The following NELL1 variants were observed in gnomAD, a reference collection of about 807,000 sequenced individuals.
NELL1 encodes protein kinase C-binding protein NELL1.
In NELL1, 76 loss-of-function variants were observed where a neutral mutation model predicts 107.4. The ratio of observed to expected loss-of-function variants is 0.71; its 90% confidence interval spans 0.59 to 0.86. The LOEUF is 0.86. Among genes scored for constraint, NELL1 ranks in the 40% least tolerant of loss-of-function variants. The probability of loss-of-function intolerance (pLI) is 0.00; values close to 1 mark genes in which losing one functional copy is unlikely to be tolerated. For synonymous variants in NELL1, 353 were observed against 341.2 expected (o/e 1.03, Z -0.38); for missense variants, 1,024 against 1,005.5 (o/e 1.02, Z -0.25).
At position 21,374,877 on chromosome 11, in the gene NELL1, CTGTGTGTGTCTGTG is replaced by C. The variant is rs1402963995; in HGVS notation, c.1645+3939_1645+3952del. On this transcript the variant is annotated intron_variant, in intron 15 of 19. Coordinates refer to ENST00000357134, the MANE Select transcript of NELL1 (RefSeq NM_006157.5). The stretch of plus-strand genomic sequence containing the variant: ...CAGCTACCAGGCTGTGTGGAACTGA[CTGTGTGTGTCTGTG>C]TGTGTGTGTGTGTGTGTGTGTGTGT... Among the ~76,000 whole-genome samples the C allele has an allele frequency of 3.5e-3, 315 of 89,888 alleles. 3 individuals carry two copies. Among genetic ancestry groups the C allele is most frequent in the African/African-American group, 0.012 (282 of 23,776 alleles). 59.0% of individuals were successfully genotyped at this position (89,888 alleles called of 152,430 possible). A position where few individuals can be genotyped will look rare whatever the true frequency, so the allele number is the denominator to read the frequency against.
intron 2 of NELL1, among the ~76,000 whole-genome samples, chr11:20,729,538 A>T (rs144511009): frequency 2.0e-5 from 3 of 152,274 alleles, no homozygotes; most frequent in Non-Finnish European, 4.4e-5. Flanking sequence ...TTTTATGGAA[A>T]GCTTTTTCTG....
chr11:21,169,374 T>C (rs932750703), intron 13 of NELL1, among the ~76,000 whole-genome samples: 4 of 151,836 alleles, frequency 2.6e-5, no homozygotes, highest in South Asian at 4.1e-4. Flanking sequence ...TATTTTATAA[T>C]GTTGTGTATC....
At chr11:21,363,594 A>C (rs1851136801) in intron 14 of NELL1, among the ~76,000 whole-genome samples, 1 of 152,146 alleles carries the variant, frequency 6.6e-6, no homozygotes, top group Non-Finnish European at 1.5e-5. Context: ...TGGGAGCTAC[A>C]TGTTAGCTTT....
At chr11:21,409,091 A>G (rs1295836431) in intron 15 of NELL1, among the ~76,000 whole-genome samples, 1 of 152,118 alleles carries the variant, frequency 6.6e-6, no homozygotes, top group Non-Finnish European at 1.5e-5. Context: ...GCATATACCC[A>G]AAGGACTATA....
At chr11:20,990,582 T>C (rs1176690298) in intron 12 of NELL1, among the ~76,000 whole-genome samples, 2 of 152,216 alleles carry the variant, frequency 1.3e-5, no homozygotes, top group East Asian at 3.9e-4. Context: ...GCATAATAGA[T>C]ACCCAGCTGA....
At chr11:20,680,633 T>C (rs916501081) in intron 2 of NELL1, among the ~76,000 whole-genome samples, 1 of 152,104 alleles carries the variant, frequency 6.6e-6, no homozygotes, top group African/African-American at 2.4e-5. Flanking sequence ...CAGACAATTG[T>C]GAAATTCAGC....
intron 15 of NELL1, among the ~76,000 whole-genome samples, chr11:21,504,696 A>G (rs1392299935): frequency 6.6e-6 from 1 of 152,176 alleles, no homozygotes; most frequent in East Asian, 1.9e-4. Flanking sequence ...TCCAGGGAGA[A>G]TGTATACTAC....
At chr11:21,494,721 TA>T (rs1244300401) in intron 15 of NELL1, among the ~76,000 whole-genome samples, 2 of 151,920 alleles carry the variant, frequency 1.3e-5, no homozygotes, top group Non-Finnish European at 2.9e-5. Flanking sequence ...AATTTGAAAA[TA>T]ACAAATTGTG....
chr11:21,496,281 A>G (rs1001287051), intron 15 of NELL1, among the ~76,000 whole-genome samples: 5 of 151,944 alleles, frequency 3.3e-5, no homozygotes, highest in East Asian at 1.9e-4. Context: ...TTTAATGTCT[A>G]TAATTATGTT....
At chr11:20,814,916 C>T (rs1306880557) in intron 3 of NELL1, among the ~76,000 whole-genome samples, 3 of 152,318 alleles carry the variant, frequency 2.0e-5, no homozygotes, top group African/African-American at 7.2e-5. Flanking sequence ...ACATTCTTTA[C>T]GTTCTCACCA....
At chr11:20,953,844 A>G (rs774992377) in intron 11 of NELL1, among the ~76,000 whole-genome samples, 1 of 152,156 alleles carries the variant, frequency 6.6e-6, no homozygotes. Flanking sequence ...GCCCCTCTCC[A>G]TCATGATATC....
intron 14 of NELL1, among the ~76,000 whole-genome samples, chr11:21,318,955 A>G (rs1300304579): frequency 6.6e-6 from 1 of 152,018 alleles, no homozygotes; most frequent in Non-Finnish European, 1.5e-5. Flanking sequence ...GTGAAATGGA[A>G]TTACTTTATA....
chr11:21,146,680 C>A (rs1855985455), intron 13 of NELL1, among the ~76,000 whole-genome samples: 1 of 152,124 alleles, frequency 6.6e-6, no homozygotes, highest in Non-Finnish European at 1.5e-5. Context: ...AAATGGAGAA[C>A]CACCAGTTCC....
intron 3 of NELL1, among the ~76,000 whole-genome samples, chr11:20,814,359 T>C (rs1857576538): frequency 6.6e-6 from 1 of 152,216 alleles, no homozygotes; most frequent in South Asian, 2.1e-4. Context: ...TGGCATATTG[T>C]GTGATGCTGA....
At chr11:21,179,683 C>T (rs548553980) in intron 13 of NELL1, among the ~76,000 whole-genome samples, 2 of 151,910 alleles carry the variant, frequency 1.3e-5, no homozygotes, top group South Asian at 2.1e-4. Context: ...AATTTCTAGA[C>T]ACCACGTGAC....
intron 14 of NELL1, among the ~76,000 whole-genome samples, chr11:21,337,408 A>T (rs1475406013): frequency 6.6e-6 from 1 of 152,204 alleles, no homozygotes; most frequent in Non-Finnish European, 1.5e-5. Flanking sequence ...TTTCTTGCTC[A>T]CATAAAATCT....
At chr11:21,291,214 G>A (rs193170151) in intron 14 of NELL1, among the ~76,000 whole-genome samples, 50 of 152,212 alleles carry the variant, frequency 3.3e-4, no homozygotes, top group African/African-American at 9.4e-4. Context: ...ATCAATAGCC[G>A]AATTGATCAA....
intron 14 of NELL1, among the ~76,000 whole-genome samples, chr11:21,235,084 A>G (rs1412911210): frequency 1.3e-5 from 2 of 152,204 alleles, no homozygotes; most frequent in African/African-American, 4.8e-5. Flanking sequence ...CACTCTAGAC[A>G]TAGTTTTGAA....
chr11:20,810,973 TC>T (rs1312151628), intron 3 of NELL1, among the ~76,000 whole-genome samples: 1 of 152,182 alleles, frequency 6.6e-6, no homozygotes, highest in Non-Finnish European at 1.5e-5. Context: ...GTTGATTGTT[TC>T]CTTTGATGTG....
Sources: gnomAD v4.1 joint callset for allele counts (sites outside exome capture counted in the v4.1 genomes callset) on GRCh38, gnomAD v4.1.1 for gene constraint, MANE v1.5 for transcripts, NCBI Gene and HGNC (gene_info 2026-07-23, HGNC 2026-07-21) for gene names.